Variants in APBB2 observed in about 807,000 individuals in gnomAD.
APBB2 encodes Fe65-like 1.
In APBB2, 38 loss-of-function variants were observed where a neutral mutation model predicts 82.5. The observed-to-expected ratio is 0.46, with a 90% CI of 0.36 to 0.60. The LOEUF is 0.60. Ranked by LOEUF, APBB2 falls within the 20% of genes least tolerant of loss-of-function variation. The pLI, the probability that APBB2 is intolerant of heterozygous loss-of-function variation, is 0.00. For synonymous variants in APBB2, 341 were observed against 368.2 expected, an observed-to-expected ratio of 0.93 and a Z score of 0.85; for missense variants, 772 against 972.3, an observed-to-expected ratio of 0.79 and a Z score of 2.74.
chr4:41,000,483 G>C (rs1804905758), intron 6 of APBB2, among the ~76,000 whole-genome samples: 1 of 152,104 alleles, frequency 6.6e-6, no homozygotes. Flanking sequence ...AGAGATTAAG[G>C]AACCTGGAGC....
At chr4:40,937,929 G>A (rs1785785483) in intron 7 of APBB2, among the ~76,000 whole-genome samples, 1 of 152,214 alleles carries the variant, frequency 6.6e-6, no homozygotes, top group South Asian at 2.1e-4. Context: ...ACCCAACAGA[G>A]ATTCTTTGGT....
intron 4 of APBB2, among the ~76,000 whole-genome samples, chr4:41,049,076 G>A (rs555098602): frequency 4.6e-5 from 7 of 151,614 alleles, no homozygotes; most frequent in South Asian, 4.2e-4. Flanking sequence ...GCCTCTGCCC[G>A]GCCGCCACCC....
chr4:41,038,213 G>A (rs1281217701), intron 4 of APBB2, among the ~76,000 whole-genome samples: 1 of 149,988 alleles, frequency 6.7e-6, no homozygotes, highest in Non-Finnish European at 1.5e-5. Context: ...TAAGCAAACA[G>A]ATAAATAAAT....
chr4:40,815,766 A>G lies in APBB2; in HGVS notation c.*326T>C, dbSNP rs985239250. ...CACGCATCATTCATTCCAAGGACGC[A>G]GCGTTAGTTCACTAGGAGGGGTGGG... On this transcript the variant is annotated 3_prime_UTR_variant, in exon 18 of 18. Coordinates refer to ENST00000508593, the MANE Select transcript of APBB2 (RefSeq NM_004307.2). 17 of 256,186 alleles carry G rather than the reference A, an allele frequency of 6.6e-5. No individual in the cohort carries two copies. The highest frequency in any genetic ancestry group is 9.6e-5 in the Admixed American group (2 of 20,930). 15.9% of individuals were successfully genotyped at this position (256,186 alleles called of 1,614,324 possible). A position where few individuals can be genotyped will look rare whatever the true frequency, so the allele number is the denominator to read the frequency against.
intron 3 of APBB2, among the ~76,000 whole-genome samples, chr4:41,086,840 C>G (rs1739875388): frequency 6.6e-6 from 1 of 151,896 alleles, no homozygotes; most frequent in African/African-American, 2.4e-5. Flanking sequence ...AAAAAAAATT[C>G]ACCTAAATTG....
intron 11 of APBB2, 153 bp downstream of exon 11, chr4:40,893,112 G>T: frequency 1.2e-6 from 1 of 842,408 alleles, no homozygotes; most frequent in Non-Finnish European, 1.8e-6. Flanking sequence ...AGTCACACGG[G>T]GGTACCATGC....
intron 5 of APBB2, among the ~76,000 whole-genome samples, chr4:41,016,476 A>C (rs1345200084): frequency 6.6e-6 from 1 of 152,160 alleles, no homozygotes; most frequent in Non-Finnish European, 1.5e-5. Context: ...AGCCTGACCA[A>C]CATGGAGAAA....
In APBB2 at chr4:41,130,695, C is replaced by T. The variant is rs138705829; in HGVS notation, c.-261+12292G>A. Reference sequence around the variant, plus strand: ...TGAGGAGCTCTTCAGAGCACAGACCCACTGTGAGGCCTTCTACAGAGGCCA... The same window carrying T: ...TGAGGAGCTCTTCAGAGCACAGACCTACTGTGAGGCCTTCTACAGAGGCCA... On this transcript the variant is annotated intron_variant, in intron 2 of 17. Transcript: ENST00000508593. 3.8e-4 allele frequency among the ~76,000 whole-genome samples: 58 copies of T among 152,208 alleles called. No individual in the cohort carries two copies. In the East Asian group the frequency reaches 9.7e-3, roughly 25 times the overall value.
Position 40,827,167 on chromosome 4 carries a change from T to G in APBB2, c.1697A>C (p.Glu566Ala). 1 of 1,614,206 alleles carries G rather than the reference T, an allele frequency of 6.2e-7. No individual in the cohort carries two copies. Residue 566 changes from glutamate to alanine, a missense_variant, in exon 14 of 18, where the codon GAA (glutamate) becomes GCA (alanine). By Grantham distance (107) the Glu-to-Ala change is moderately radical. Transcript: ENST00000508593. Reference protein sequence around the residue: ...AKALACSSLQERANVNLDVPL... With the variant: ...AKALACSSLQARANVNLDVPL... ...GACATCGAGGTTCACATTGGCCCTT[T>G]CCTGTAAGGAGCTGCAGGCCAGCGC...
chr4:40,847,332 C>T (rs915078500), intron 12 of APBB2, among the ~76,000 whole-genome samples: 1 of 152,122 alleles, frequency 6.6e-6, no homozygotes, highest in African/African-American at 2.4e-5. Flanking sequence ...CATGGTGGCG[C>T]ACACCTGTAG....
At chr4:41,199,165 C>T (rs527707112) in intron 1 of APBB2, among the ~76,000 whole-genome samples, 4 of 148,898 alleles carry the variant, frequency 2.7e-5, no homozygotes, top group Non-Finnish European at 5.9e-5. Flanking sequence ...TTGGGGGGGA[C>T]ACAATTTAAC....
rs560284401 is a variant in APBB2 at position 40,850,732 on chromosome 4, G to A, written c.1530-20155C>T. 2.3e-3 allele frequency among the ~76,000 whole-genome samples: 347 copies of A among 152,236 alleles called. 3 individuals carry two copies. Among genetic ancestry groups the A allele is most frequent in the African/African-American group, 7.8e-3 (324 of 41,550 alleles). On this transcript the variant is annotated intron_variant, in intron 12 of 17. Transcript: ENST00000508593. ...AATATTTAATATGTGGCCAGTGCCCGGGAGTTCGAGGTCAGCATGGACAAC... is the reference window on the plus strand; with the variant it reads ...AATATTTAATATGTGGCCAGTGCCCAGGAGTTCGAGGTCAGCATGGACAAC...
At chr4:40,965,452 A>G (rs948415774) in intron 6 of APBB2, among the ~76,000 whole-genome samples, 6 of 152,168 alleles carry the variant, frequency 3.9e-5, no homozygotes, top group Admixed American at 1.3e-4. Flanking sequence ...GCTGTCCAAT[A>G]GGGGAGTCAG....
chr4:40,964,681 G>A (rs555913708), intron 6 of APBB2, among the ~76,000 whole-genome samples: 21 of 149,040 alleles, frequency 1.4e-4, no homozygotes, highest in South Asian at 4.3e-4. Flanking sequence ...TGGAAACAAT[G>A]CAGCCCATGT....
intron 5 of APBB2, among the ~76,000 whole-genome samples, chr4:41,028,055 G>T (rs78452493): frequency 0.046 from 6,963 of 152,254 alleles, 338 homozygotes; most frequent in African/African-American, 0.12. Flanking sequence ...ATCTATTATA[G>T]CCTGGCACGT....
At chr4:40,855,748 A>C (rs978388807) in intron 12 of APBB2, among the ~76,000 whole-genome samples, 3 of 151,426 alleles carry the variant, frequency 2.0e-5, no homozygotes, top group Admixed American at 6.6e-5. Flanking sequence ...AAAAAAAAAC[A>C]AAAAAAAGGA....
At chr4:40,845,588 C>CAA (rs71198606) in intron 12 of APBB2, among the ~76,000 whole-genome samples, 13,372 of 56,360 alleles carry the variant, frequency 0.24, 2,891 homozygotes, top group East Asian at 0.33. Flanking sequence ...GGAAATTCCT[C>CAA]AAAAAAAAAA....
At chr4:40,986,591 A>G (rs146799507) in intron 6 of APBB2, among the ~76,000 whole-genome samples, 224 of 152,312 alleles carry the variant, frequency 1.5e-3, no homozygotes, top group African/African-American at 5.2e-3. Flanking sequence ...GCCACTAGGA[A>G]AAATGTGTTC....
intron 1 of APBB2, among the ~76,000 whole-genome samples, chr4:41,209,475 T>C (rs571765048): frequency 1.3e-5 from 2 of 152,144 alleles, no homozygotes; most frequent in South Asian, 4.2e-4. Context: ...CAAATGAGAG[T>C]GAAAGTCGTA....
Sources: gnomAD v4.1 joint callset for allele counts (sites outside exome capture counted in the v4.1 genomes callset) on GRCh38, gnomAD v4.1.1 for gene constraint, MANE v1.5 for transcripts, NCBI Gene and HGNC (gene_info 2026-07-23, HGNC 2026-07-21) for gene names.